Variants in ATRX observed in about 807,000 individuals in gnomAD.
ATRX encodes the protein ATRX chromatin remodeler.
Under a neutral mutation model 172.6 loss-of-function variants are expected in ATRX, and 12 were observed. That is an observed-to-expected ratio of 0.07 (90% CI 0.04 to 0.11). The LOEUF is 0.11. ATRX is among the 10% of genes least tolerant of loss of function. ATRX has a pLI of 1.00. For missense variants in ATRX, 1,368 were observed against 1,767.4 expected (o/e 0.77, Z 4.05); for synonymous variants, 674 against 594.7 (o/e 1.13, Z -1.94).
intron 1 of ATRX, among the ~76,000 whole-genome samples, chrX:77,772,494 T>C (rs1225541757): frequency 3.8e-5 from 4 of 106,644 alleles, no homozygotes; most frequent in Non-Finnish European, 7.7e-5. Flanking sequence ...AAGCTTTTTT[T>C]TGAGACAGAG....
At chrX:77,645,356 C>T (rs1054831121) in intron 15 of ATRX, among the ~76,000 whole-genome samples, 7 of 111,464 alleles carry the variant, frequency 6.3e-5, no homozygotes, top group Non-Finnish European at 1.3e-4. Context: ...CCAGTCTGGT[C>T]TTAAGCTCCT....
chrX:77,625,811 G>A (rs1441831249), intron 19 of ATRX, among the ~76,000 whole-genome samples: 2 of 108,898 alleles, frequency 1.8e-5, no homozygotes, highest in Admixed American at 9.9e-5. Flanking sequence ...TAGTACAGCC[G>A]CTATGGAAAA....
At chrX:77,746,674 A>G (rs1366938619) in intron 1 of ATRX, among the ~76,000 whole-genome samples, 2 of 112,485 alleles carry the variant, frequency 1.8e-5, no homozygotes, top group Non-Finnish European at 3.7e-5. Flanking sequence ...AACATCAACA[A>G]AAGTCCTATA....
At chrX:77,741,254 A>C (rs2074854769) in intron 1 of ATRX, among the ~76,000 whole-genome samples, 1 of 111,318 alleles carries the variant, frequency 9.0e-6, no homozygotes, top group African/African-American at 3.3e-5. Context: ...AGTCATGGCT[A>C]TTGAAGGCCT....
intron 1 of ATRX, among the ~76,000 whole-genome samples, chrX:77,764,095 C>T (rs914248369): frequency 9.0e-6 from 1 of 110,853 alleles, no homozygotes; most frequent in Non-Finnish European, 1.9e-5. Context: ...GCCTGGGAGA[C>T]AGAGTGAGAC....
chrX:77,630,170 A>C (rs2068046259), intron 19 of ATRX, among the ~76,000 whole-genome samples: 1 of 112,152 alleles, frequency 8.9e-6, no homozygotes, highest in African/African-American at 3.2e-5. Context: ...AAATTTAAGA[A>C]AATAAGTCCA....
intron 10 of ATRX, among the ~76,000 whole-genome samples, chrX:77,668,681 C>G (rs1468562151): frequency 9.0e-6 from 1 of 111,023 alleles, no homozygotes; most frequent in Non-Finnish European, 1.9e-5. Flanking sequence ...ATGATCGGAA[C>G]TGGCGCATGA....
intron 30 of ATRX, among the ~76,000 whole-genome samples, chrX:77,532,103 A>C (rs1376610565): frequency 2.7e-5 from 3 of 111,351 alleles, no homozygotes; most frequent in African/African-American, 9.8e-5. Context: ...CTTCAAGGAG[A>C]ACAACAAACC....
rs782099281 is a variant in ATRX at position 77,769,052 on chromosome X, C to T, written c.20+16930G>A. 5.4e-5 allele frequency among the ~76,000 whole-genome samples: 6 copies of T among 111,016 alleles called. No homozygotes were observed. The South Asian group carries it at 1.5e-3, about 28-fold the overall frequency. ...AACAGACAAAAATGGAAAAAGTAAGCGAGGCACTGTGATGTGCACCTGCAG... is the reference window on the plus strand; with the variant it reads ...AACAGACAAAAATGGAAAAAGTAAGTGAGGCACTGTGATGTGCACCTGCAG... On this transcript the variant is annotated intron_variant, in intron 1 of 34. Transcript: ENST00000373344.
rs1557207586 is a variant in ATRX, at chrX:77,785,974, C to A, written c.20+8G>T. The stretch of plus-strand genomic sequence containing the variant: ...CGCTGGGGCCCATGAGACGGGGTTG[C>A]GTTTTACCTCATGGGCTCAGCGGTC... On this transcript the variant is annotated splice_region_variant and intron_variant, in intron 1 of 34. Coordinates refer to ENST00000373344, the MANE Select transcript of ATRX (RefSeq NM_000489.6). 6.7e-6 allele frequency: 8 copies of A among 1,193,353 alleles called. No individual in the cohort carries two copies. The highest frequency in any genetic ancestry group is 9.0e-6 in the Non-Finnish European group (8 of 886,446).
chrX:77,570,464 G>GT (rs781943683), intron 28 of ATRX, among the ~76,000 whole-genome samples: 1 of 110,938 alleles, frequency 9.0e-6, no homozygotes, highest in Admixed American at 9.7e-5. Context: ...GCCACAGATA[G>GT]TTTTTTTCAA....
intron 32 of ATRX, chrX:77,521,877 T>C (rs971154783): frequency 6.6e-5 from 14 of 210,615 alleles, no homozygotes; most frequent in African/African-American, 3.8e-4. Flanking sequence ...GCATTATATA[T>C]TTAATTGTGC....
intron 1 of ATRX, among the ~76,000 whole-genome samples, chrX:77,742,947 C>T (rs1447160770): frequency 1.8e-5 from 2 of 111,311 alleles, no homozygotes; most frequent in Non-Finnish European, 3.8e-5. Context: ...CAGCTCATAA[C>T]TGTGAGCAGT....
chrX:77,752,371 T>C (rs2075333656), intron 1 of ATRX, among the ~76,000 whole-genome samples: 1 of 111,965 alleles, frequency 8.9e-6, no homozygotes, highest in African/African-American at 3.2e-5. Flanking sequence ...TCAAGGAGTT[T>C]TTGGGTTGAG....
intron 15 of ATRX, among the ~76,000 whole-genome samples, chrX:77,643,328 AG>A (rs1557112084): frequency 9.0e-6 from 1 of 110,535 alleles, no homozygotes. Context: ...AAGGCATTAC[AG>A]GGGAACACTC....
intron 7 of ATRX, among the ~76,000 whole-genome samples, chrX:77,687,976 T>C (rs781979403): frequency 3.2e-4 from 36 of 111,745 alleles, no homozygotes; most frequent in African/African-American, 1.1e-3. Context: ...TCCCTCTTGT[T>C]GTCCAGGCTG....
chrX:77,528,298 C>T lies in ATRX; in HGVS notation c.6700-4897G>A, dbSNP rs781879837. On this transcript the variant is annotated intron_variant, in intron 30 of 34. Transcript: ENST00000373344. ...GGGCCAGCGGCCATCTCTGTGCTTCCGTTAAATCAGCCATTTCAGCTTGCT... is the reference window on the plus strand; with the variant it reads ...GGGCCAGCGGCCATCTCTGTGCTTCTGTTAAATCAGCCATTTCAGCTTGCT... 2.4e-4 allele frequency among the ~76,000 whole-genome samples: 27 copies of T among 112,006 alleles called. 2 individuals carry two copies. The South Asian group carries it at 6.3e-3, about 26-fold the overall frequency.
At chrX:77,570,877 C>A (rs542851404) in intron 28 of ATRX, among the ~76,000 whole-genome samples, 1 of 111,260 alleles carries the variant, frequency 9.0e-6, no homozygotes, top group African/African-American at 3.3e-5. Flanking sequence ...ACAAGCAATC[C>A]AATAAGAAAA....
intron 22 of ATRX, among the ~76,000 whole-genome samples, chrX:77,604,665 A>G (rs1557089275): frequency 2.7e-5 from 3 of 112,152 alleles, no homozygotes; most frequent in Non-Finnish European, 5.6e-5. Flanking sequence ...GAAAGAAATC[A>G]TTATATCAAA....
Sources: gnomAD v4.1 joint callset for allele counts (sites outside exome capture counted in the v4.1 genomes callset) on GRCh38, gnomAD v4.1.1 for gene constraint, MANE v1.5 for transcripts, NCBI Gene and HGNC (gene_info 2026-07-23, HGNC 2026-07-21) for gene names.